The following SLC24A1 variants were observed in gnomAD, a reference collection of about 807,000 sequenced individuals.
SLC24A1 encodes solute carrier family 24 member 1.
In SLC24A1, 52 loss-of-function variants were observed where a neutral mutation model predicts 88.1. That is an observed-to-expected ratio of 0.59 (90% confidence interval 0.47 to 0.74). The LOEUF (loss-of-function observed/expected upper bound fraction) is 0.74. Ranked by LOEUF, SLC24A1 falls within the 30% of genes least tolerant of loss-of-function variation. SLC24A1 has a pLI of 0.00. For missense variants in SLC24A1, 1,173 were observed against 1,363.3 expected (o/e 0.86, Z 2.20); for synonymous variants, 455 against 498.0 (o/e 0.91, Z 1.15).
intron 2 of SLC24A1, among the ~76,000 whole-genome samples, chr15:65,634,860 G>T (rs1226388981): frequency 2.6e-5 from 4 of 151,992 alleles, no homozygotes; most frequent in Admixed American, 1.3e-4. Context: ...CACCATCTTT[G>T]TGAGTGTGGG....
At chr15:65,614,495 T>G (rs909546815) in intron 2 of SLC24A1, among the ~76,000 whole-genome samples, 1 of 152,244 alleles carries the variant, frequency 6.6e-6, no homozygotes, top group Non-Finnish European at 1.5e-5. Context: ...TCCGTTGCTA[T>G]ATCTCAGAAG....
In SLC24A1 at chr15:65,652,642, G is replaced by A; in HGVS notation, c.2884G>A (p.Val962Ile). 6.2e-7 allele frequency: 1 copy of A among 1,613,798 alleles called. No individual in the cohort carries two copies. The highest frequency in any genetic ancestry group is 8.5e-7 in the Non-Finnish European group (1 of 1,179,788). The change falls in exon 9 of 10, where the codon GTT (valine) becomes ATT (isoleucine). Residue 962 changes from valine (V) to isoleucine (I), a missense_variant and splice_region_variant. Physicochemically the swap from Val to Ile is conservative, Grantham distance 29 (BLOSUM62 3). Coordinates refer to ENST00000261892, the MANE Select transcript of SLC24A1 (RefSeq NM_004727.3). Reference sequence around the variant, plus strand: ...ACTGTTGACCGTTGCCGTTTACCAGGTTGGTGAAACAATAGGGATTTCTGA... The same window carrying A: ...ACTGTTGACCGTTGCCGTTTACCAGATTGGTGAAACAATAGGGATTTCTGA... ...SYLMVWWAHQ[V>I]GETIGISEEI...
downstream of SLC24A1, chr15:65,660,617 T>A: frequency 3.8e-6 from 1 of 265,138 alleles, no homozygotes; most frequent in Non-Finnish European, 7.1e-6. Flanking sequence ...AAAAATATAT[T>A]TTTAAAGCTA....
At chr15:65,656,273 A>T, downstream of SLC24A1, 1 of 984,674 alleles carries the variant, frequency 1.0e-6, no homozygotes, top group Non-Finnish European at 1.2e-6. Flanking sequence ...TCCTTTTCCC[A>T]GTTTGCTGAA....
intron 3 of SLC24A1, 32 bp from the exon 4 acceptor site, chr15:65,639,562 AG>A: frequency 8.7e-7 from 1 of 1,152,866 alleles, no homozygotes. Context: ...TGGCTTGGAC[AG>A]GGGCCCACTG....
intron 4 of SLC24A1, among the ~76,000 whole-genome samples, chr15:65,640,496 C>G (rs2075088239): frequency 6.6e-6 from 1 of 152,168 alleles, no homozygotes; most frequent in Non-Finnish European, 1.5e-5. Context: ...TGGAGCCTCC[C>G]CATCTCTGGG....
intron 7 of SLC24A1, among the ~76,000 whole-genome samples, 177 bp from the exon 8 acceptor site, chr15:65,651,493 C>G (rs2075503486): frequency 6.6e-6 from 1 of 152,190 alleles, no homozygotes; most frequent in Admixed American, 6.5e-5. Context: ...AACCTCCATC[C>G]TTTTCCATCC....
chr15:65,641,643 G>C (rs2075133473), intron 4 of SLC24A1, among the ~76,000 whole-genome samples: 1 of 152,256 alleles, frequency 6.6e-6, no homozygotes, highest in Admixed American at 6.5e-5. Flanking sequence ...GGGGTTTGCA[G>C]AATGGAAGCT....
intron 4 of SLC24A1, among the ~76,000 whole-genome samples, chr15:65,640,781 A>G (rs915938201): frequency 2.0e-5 from 3 of 152,162 alleles, no homozygotes; most frequent in African/African-American, 7.2e-5. Context: ...AATACCAGCC[A>G]GGCATGGTGG....
At position 65,654,536 on chromosome 15, in the gene SLC24A1, C is replaced by T; in HGVS notation, c.*457C>T. 8.5e-7 allele frequency: 1 copy of T among 1,182,668 alleles called. No individual in the cohort carries two copies. Among genetic ancestry groups the T allele is most frequent in the Non-Finnish European group, 1.1e-6 (1 of 942,440 alleles). The allele number at this position is 1,182,668 out of a possible 1,614,324, so 73.3% of individuals were successfully genotyped here. On this transcript the variant is annotated 3_prime_UTR_variant, in exon 10 of 10. Coordinates refer to ENST00000261892, the MANE Select transcript of SLC24A1 (RefSeq NM_004727.3). ...CCCCAAACACACGCTGCAATTTTGT[C>T]TCCTCCTTTTCTGTTCAAATTGTGA...
In SLC24A1 at chr15:65,612,849, A is replaced by G. The variant is rs76098830; in HGVS notation, c.-228+236A>G. Among the ~76,000 whole-genome samples the G allele has an allele frequency of 2.3e-3, 354 of 152,304 alleles. 4 individuals are homozygous for G. The highest frequency in any genetic ancestry group is 8.1e-3 in the African/African-American group (338 of 41,550). ...CACTGATGGATGATCAAATCTTGTG[A>G]CCTAGTTCTTCTGAATAACAGGCTT... On this transcript the variant is annotated intron_variant, in intron 2 of 11. Coordinates refer to the SLC24A1 transcript ENST00000537259.
chr15:65,657,535 C>T (rs1046470590), downstream of SLC24A1, among the ~76,000 whole-genome samples: 1 of 152,088 alleles, frequency 6.6e-6, no homozygotes, highest in Non-Finnish European at 1.5e-5. Context: ...CCCAGCTACT[C>T]GGGAGGCTGA....
chr15:65,647,475 CAAAAAAAAAAAAAA>C (rs199501932), intron 6 of SLC24A1, among the ~76,000 whole-genome samples: 34 of 81,210 alleles, frequency 4.2e-4, no homozygotes, highest in African/African-American at 1.2e-3. Context: ...GAGACTGTCT[CAAAAAAAAAAAAAA>C]AAAAAAAAAA....
At chr15:65,658,933 G>A (rs1298615630), downstream of SLC24A1, among the ~76,000 whole-genome samples, 2 of 152,146 alleles carry the variant, frequency 1.3e-5, no homozygotes, top group African/African-American at 4.8e-5. Context: ...TGCTGGTAGT[G>A]TTAGGGTTTT....
chr15:65,619,807 A>G (rs1381674624), upstream of SLC24A1, among the ~76,000 whole-genome samples: 4 of 150,436 alleles, frequency 2.7e-5, no homozygotes, highest in Non-Finnish European at 5.9e-5. Flanking sequence ...TCACCCCCTT[A>G]TCTTATCGTG....
rs760330178 is a variant in SLC24A1, at chr15:65,624,228, T to C, written c.148T>C (p.Leu50=). The change falls in exon 2 of 10, where the codon TTG becomes CTG. Residue 50 remains leucine, a synonymous_variant. Coordinates refer to ENST00000261892, the MANE Select transcript of SLC24A1 (RefSeq NM_004727.3). ...TAGGAGACCCCGGGGCCTTTCCTCA[T>C]TGTGGGCAGCAGTCTCTTCTCATCA... ...HLRRPRGLSS[L]WAAVSSHQPI... is the part of the protein sequence containing the mutation. 51 of 1,613,906 alleles carry C rather than the reference T, an allele frequency of 3.2e-5. No homozygotes were observed. The East Asian group carries it at 7.8e-4, about 25-fold the overall frequency.
downstream of SLC24A1, among the ~76,000 whole-genome samples, chr15:65,656,674 G>A (rs567934203): frequency 3.7e-4 from 56 of 152,286 alleles, no homozygotes; most frequent in South Asian, 0.011. Context: ...TGTCCCAAAT[G>A]GGTATTTGAA....
chr15:65,634,551 C>T (rs1566954246), intron 2 of SLC24A1, among the ~76,000 whole-genome samples: 1 of 152,030 alleles, frequency 6.6e-6, no homozygotes, highest in Non-Finnish European at 1.5e-5. Flanking sequence ...TCAGAAAGCA[C>T]CTACTTTCCA....
At chr15:65,622,371 C>A (rs978446448) in intron 1 of SLC24A1, among the ~76,000 whole-genome samples, 1 of 152,164 alleles carries the variant, frequency 6.6e-6, no homozygotes, top group Non-Finnish European at 1.5e-5. Context: ...ACCTTTGCAT[C>A]TCTGATTAGT....
Sources: allele counts gnomAD v4.1 joint callset (sites outside exome capture counted in the v4.1 genomes callset), GRCh38; gene constraint gnomAD v4.1.1; transcripts MANE v1.5; gene names NCBI Gene and HGNC (gene_info 2026-07-23, HGNC 2026-07-21).